Variants in E2F4 observed in about 807,000 individuals in gnomAD.
E2F4 encodes the protein transcription factor E2F4.
A neutral mutation model predicts 44.5 loss-of-function variants in E2F4; 16 were observed. The observed-to-expected ratio is 0.36, with a 90% CI of 0.24 to 0.55. The LOEUF is 0.55. E2F4 is among the 20% of genes least tolerant of loss of function. The pLI is 0.87. For missense variants in E2F4, 473 were observed against 522.1 expected (o/e 0.91, Z 0.92); for synonymous variants, 242 against 207.2 (o/e 1.17, Z -1.44).
At chr16:67,192,967 G>C (rs533758628) in intron 2 of E2F4, 42 bp from the exon 3 acceptor site, 1 of 1,560,348 alleles carries the variant, frequency 6.4e-7, no homozygotes, top group African/African-American at 1.4e-5. Context: ...ATGGGACCCA[G>C]AGTTCTCAGC....
At chr16:67,195,739 C>G (rs767675378) in intron 6 of E2F4, 43 bp from the exon 7 acceptor site, 1 of 1,612,518 alleles carries the variant, frequency 6.2e-7, no homozygotes, top group South Asian at 1.1e-5. Context: ...TCAACGACCT[C>G]TTCCTGACCT....
chr16:67,194,940 A>C lies in E2F4; in HGVS notation c.768A>C (p.Ala256=), dbSNP rs1486324896. 6.2e-7 allele frequency: 1 copy of C among 1,614,100 alleles called. No individual in the cohort carries two copies. Among genetic ancestry groups the C allele is most frequent in the Non-Finnish European group, 8.5e-7 (1 of 1,179,986 alleles). ...CTCCCACTGCTGTCCCTGGCAGTGCAGAAGTCCAGGGAATGGCTGGCCCAG... is the reference window on the plus strand; with the variant it reads ...CTCCCACTGCTGTCCCTGGCAGTGCCGAAGTCCAGGGAATGGCTGGCCCAG... ...QLTPTAVPGS[A]EVQGMAGPAA... is the part of the protein sequence containing the mutation. Residue 256 remains alanine (A), a synonymous_variant, in exon 6 of 10, where the codon GCA becomes GCC. Coordinates refer to ENST00000379378, the MANE Select transcript of E2F4 (RefSeq NM_001950.4).
At chr16:67,194,492 T>TG (rs2032935971) in intron 5 of E2F4, 33 bp downstream of exon 5, 3 of 1,612,038 alleles carry the variant, frequency 1.9e-6, no homozygotes, top group Non-Finnish European at 2.5e-6. Context: ...CGGGGTCAGC[T>TG]GAGGGCGGGT....
In E2F4 at chr16:67,192,747, A is replaced by C; in HGVS notation, c.136-14A>C. 1.9e-6 allele frequency: 3 copies of C among 1,602,524 alleles called. No individual in the cohort carries two copies. In the South Asian group the frequency reaches 3.4e-5, roughly 18 times the overall value. ...CCCAGAGTGGGGCTGAGCATTCTCC[A>C]TTCTCTCTGCCAGGCAGCTGACACC... On this transcript the variant is annotated splice_polypyrimidine_tract_variant and intron_variant, in intron 1 of 9. Coordinates refer to ENST00000379378, the MANE Select transcript of E2F4 (RefSeq NM_001950.4).
chr16:67,195,968 C>G lies in E2F4; in HGVS notation c.995C>G (p.Ser332Cys), dbSNP rs1408776664. The change falls in exon 7 of 10, where the codon TCT (serine) becomes TGT (cysteine). Residue 332 changes from serine to cysteine, a missense_variant. By Grantham distance (112) the Ser-to-Cys change is moderately radical. Transcript: ENST00000379378. ...AGCAGTTCGTCCGGACCCAACCCTT[C>G]TACCTCCTTTGAGCCCATCAAGGCA... ...NSSSSSGPNPSTSFEPIKADP... is the reference protein window; with the variant it reads ...NSSSSSGPNPCTSFEPIKADP... 5 of 1,614,050 alleles carry G rather than the reference C, an allele frequency of 3.1e-6. No homozygotes were observed. The highest frequency in any genetic ancestry group is 1.3e-5 in the African/African-American group (1 of 74,928).
rs1048010243 is a variant in E2F4 at position 67,192,597 on chromosome 16, G to C, written c.136-164G>C. 17 of 923,260 alleles carry C rather than the reference G, an allele frequency of 1.8e-5. No individual in the cohort carries two copies. In the African/African-American group the frequency reaches 2.5e-4, roughly 14 times the overall value. The allele number at this position is 923,260 out of a possible 1,614,324, so 57.2% of individuals were successfully genotyped here. A position where few individuals can be genotyped will look rare whatever the true frequency, so the allele number is the denominator to read the frequency against. On this transcript the variant is annotated intron_variant, in intron 1 of 9. Transcript: ENST00000379378. ...CCTCGTGGCCCTTCCTGGCTGGCGA[G>C]GAGAAGAGCTGCCTATGGGACAGAG... is the stretch of plus-strand genomic sequence containing the variant.
At chr16:67,195,041 C>T in intron 6 of E2F4, 61 bp downstream of exon 6, 2 of 1,559,080 alleles carry the variant, frequency 1.3e-6, no homozygotes, top group South Asian at 1.2e-5. Context: ...TGTTGTGGAA[C>T]ACCATGCTCA....
chr16:67,194,192 T>A (rs560561068), intron 4 of E2F4: 71 of 574,304 alleles, frequency 1.2e-4, no homozygotes, highest in African/African-American at 1.1e-3. Context: ...CTCCACATAA[T>A]TGAACCCAGA....
intron 7 of E2F4, 70 bp from the exon 8 acceptor site, chr16:67,197,529 G>C: frequency 6.4e-7 from 1 of 1,554,018 alleles, no homozygotes; most frequent in South Asian, 1.1e-5. Flanking sequence ...TAGGATCCGA[G>C]GAAGCCAGGG....
chr16:67,193,770 T>C (rs2032925155), intron 4 of E2F4, among the ~76,000 whole-genome samples: 1 of 152,072 alleles, frequency 6.6e-6, no homozygotes, highest in Non-Finnish European at 1.5e-5. Flanking sequence ...TGGATTTGGC[T>C]TCTTGGGTAT....
chr16:67,195,956 G>C lies in E2F4; in HGVS notation c.983G>C (p.Gly328Ala). ...SSNSNSSSSSGPNPSTSFEPI... is the reference protein window; with the variant it reads ...SSNSNSSSSSAPNPSTSFEPI... ...AACAGTAACAGCAGCAGTTCGTCCG[G>C]ACCCAACCCTTCTACCTCCTTTGAG... Residue 328 changes from glycine (G) to alanine (A), a missense_variant, in exon 7 of 10, where the codon GGA (glycine) becomes GCA (alanine). Gly to Ala is a moderately conservative substitution (Grantham distance 60, BLOSUM62 0). Coordinates refer to ENST00000379378, the MANE Select transcript of E2F4 (RefSeq NM_001950.4). 1 of 1,614,064 alleles carries C rather than the reference G, an allele frequency of 6.2e-7. No homozygotes were observed. Among genetic ancestry groups the C allele is most frequent in the Non-Finnish European group, 8.5e-7 (1 of 1,179,968 alleles).
chr16:67,193,264 T>C, intron 3 of E2F4, 94 bp downstream of exon 3: 2 of 1,524,950 alleles, frequency 1.3e-6, no homozygotes, highest in Non-Finnish European at 1.8e-6. Flanking sequence ...GTTTGTCTTA[T>C]AGCCACTGGC....
At chr16:67,194,633 C>T (rs1302759131) in intron 5 of E2F4, 53 bp from the exon 6 acceptor site, 1 of 1,591,028 alleles carries the variant, frequency 6.3e-7, no homozygotes, top group Non-Finnish European at 8.6e-7. Flanking sequence ...CGGGCAGGAG[C>T]CAAGCCTGCT....
chr16:67,192,495 G>T, intron 1 of E2F4, 133 bp downstream of exon 1: 1 of 1,275,214 alleles, frequency 7.8e-7, no homozygotes, highest in Non-Finnish European at 1.0e-6. Context: ...CAGGAGAGAA[G>T]CCGGGGGATG....
intron 1 of E2F4, 135 bp downstream of exon 1, chr16:67,192,497 CG>C: frequency 1.6e-6 from 2 of 1,264,908 alleles, no homozygotes. Flanking sequence ...GGAGAGAAGC[CG>C]GGGGATGTTT....
Position 67,198,075 on chromosome 16 carries a change from G to C in E2F4, c.1194G>C (p.Glu398Asp), listed in dbSNP as rs775460095. ...GDHDYIYNLD[E>D]SEGVCDLFDV... is the part of the protein sequence containing the mutation. ...ACGATTATATCTACAACCTGGACGA[G>C]AGTGAAGGTGTCTGTGACCTCTTTG... The change falls in exon 10 of 10, where the codon GAG becomes GAC. Residue 398 changes from glutamate (E) to aspartate (D), a missense_variant. Physicochemically the swap from Glu to Asp is conservative, Grantham distance 45. This residue lies in a region of E2F4 where 314 missense variants were observed against 315.6 expected (regional missense o/e 0.99). Transcript: ENST00000379378. 4 of 1,613,964 alleles carry C rather than the reference G, an allele frequency of 2.5e-6. No homozygotes were observed. The East Asian group carries it at 6.7e-5, about 27-fold the overall frequency.
At position 67,194,434 on chromosome 16, in the gene E2F4, C is replaced by G; in HGVS notation, c.488C>G (p.Thr163Ser). The G allele has an allele frequency of 6.2e-7, 1 of 1,614,120 alleles. No individual in the cohort carries two copies. ...TTGGCCATCCGGGCCCCATCAGGCACCAGCCTGGAGGTGCCCATCCCAGAG... is the reference window on the plus strand; with the variant it reads ...TTGGCCATCCGGGCCCCATCAGGCAGCAGCCTGGAGGTGCCCATCCCAGAG... ...TLLAIRAPSG[T>S]SLEVPIPEGL... Residue 163 changes from threonine (T) to serine (S), a missense_variant, in exon 5 of 10, where the codon ACC becomes AGC. Physicochemically the swap from Thr to Ser is moderately conservative, Grantham distance 58. Coordinates refer to ENST00000379378, the MANE Select transcript of E2F4 (RefSeq NM_001950.4).
At chr16:67,194,491 C>T (rs1025526168) in intron 5 of E2F4, 32 bp downstream of exon 5, 4 of 1,612,356 alleles carry the variant, frequency 2.5e-6, no homozygotes, top group Non-Finnish European at 3.4e-6. Context: ...GCGGGGTCAG[C>T]TGAGGGCGGG....
At position 67,198,351 on chromosome 16, in the gene E2F4, T is replaced by G. The variant is rs2033010143; in HGVS notation, c.*228T>G. ...AGCCCCCATCACCGTGGAGCCAAAG[T>G]GTTTGCTTCTCCCTTTCTGCGGCCT... is the stretch of plus-strand genomic sequence containing the variant. On this transcript the variant is annotated 3_prime_UTR_variant, in exon 10 of 10. Transcript: ENST00000379378. 9 of 546,314 alleles carry G rather than the reference T, an allele frequency of 1.6e-5. No homozygotes were observed. In the South Asian group the frequency reaches 1.7e-4, roughly 11 times the overall value. 33.8% of individuals were successfully genotyped at this position (546,314 alleles called of 1,614,324 possible).
Sources: gnomAD v4.1 joint callset for allele counts (sites outside exome capture counted in the v4.1 genomes callset) on GRCh38, gnomAD v4.1.1 for gene constraint, gnomAD v4.1.1 regional missense constraint, MANE v1.5 for transcripts, NCBI Gene and HGNC (gene_info 2026-07-23, HGNC 2026-07-21) for gene names.